USP34: variants seen among roughly 807,000 people sequenced by gnomAD.
The protein encoded by USP34 is ubiquitin carboxyl-terminal hydrolase 34.
USP34 carries 70 observed loss-of-function variants against 460.3 expected under a neutral mutation model. The observed-to-expected ratio is 0.15, with a 90% confidence interval of 0.13 to 0.19. USP34 has a LOEUF of 0.19. Among genes scored for constraint, USP34 ranks in the 10% least tolerant of loss-of-function variants. USP34 has a pLI of 1.00. For missense variants in USP34, 3,985 were observed against 4,236.2 expected (o/e 0.94, Z 1.65); for synonymous variants, 1,647 against 1,405.3 (o/e 1.17, Z -3.85).
rs768837911 is a variant in USP34, at chr2:61,193,025, T to C, written c.9509-45A>G. The C allele has an allele frequency of 4.8e-6, 7 of 1,470,806 alleles. No homozygotes were observed. The Admixed American group carries it at 7.0e-5, about 15-fold the overall frequency. 91.1% of individuals were successfully genotyped at this position (1,470,806 alleles called of 1,614,324 possible). A position where few individuals can be genotyped will look rare whatever the true frequency, so the allele number is the denominator to read the frequency against. On this transcript the variant is annotated intron_variant, in intron 75 of 79. Coordinates refer to ENST00000398571, the MANE Select transcript of USP34 (RefSeq NM_014709.4). ...CAGAATAGGTTATAATTATAAATTA[T>C]ACTAGTGAGATACTCAACTCTGCAG...
chr2:61,227,008 T>G (rs1687747872), intron 62 of USP34, 59 bp downstream of exon 62: 3 of 1,527,856 alleles, frequency 2.0e-6, no homozygotes, highest in Admixed American at 4.8e-5. Context: ...TGGTAAACAA[T>G]TATGTAAAAA....
intron 53 of USP34, among the ~76,000 whole-genome samples, chr2:61,237,991 G>T (rs1490813078): frequency 6.6e-6 from 1 of 151,698 alleles, no homozygotes; most frequent in African/African-American, 2.4e-5. Context: ...CCACCTCCAG[G>T]TTCAAGCGAT....
chr2:61,203,931 TAAA>T (rs5831600), intron 74 of USP34, among the ~76,000 whole-genome samples: 2 of 144,096 alleles, frequency 1.4e-5, no homozygotes, highest in African/African-American at 5.1e-5. Context: ...ATGGCCAAAT[TAAA>T]AAAAAAAAAA....
At chr2:61,244,407 G>A (rs1688364622) in intron 51 of USP34, among the ~76,000 whole-genome samples, 1 of 152,050 alleles carries the variant, frequency 6.6e-6, no homozygotes, top group African/African-American at 2.4e-5. Context: ...TTGGGTTCAG[G>A]GGTTTGAGAC....
intron 20 of USP34, among the ~76,000 whole-genome samples, chr2:61,326,080 T>C (rs560996334): frequency 6.6e-6 from 1 of 152,266 alleles, no homozygotes; most frequent in East Asian, 1.9e-4. Flanking sequence ...AGAGACAGAC[T>C]GTGGTCGGCC....
intron 2 of USP34, among the ~76,000 whole-genome samples, chr2:61,412,657 G>C (rs1461666878): frequency 6.6e-6 from 1 of 152,016 alleles, no homozygotes; most frequent in African/African-American, 2.4e-5. Flanking sequence ...AGTAGGCTAA[G>C]GTGGGATGAC....
intron 75 of USP34, among the ~76,000 whole-genome samples, chr2:61,198,981 A>C (rs1686890651): frequency 6.6e-6 from 1 of 152,218 alleles, no homozygotes; most frequent in Admixed American, 6.5e-5. Flanking sequence ...AACGTTCTTC[A>C]TCATCTTACC....
intron 1 of USP34, among the ~76,000 whole-genome samples, chr2:61,422,291 G>A (rs935583942): frequency 6.6e-5 from 10 of 152,144 alleles, no homozygotes; most frequent in African/African-American, 2.4e-4. Flanking sequence ...AAAAACAGAG[G>A]GAAGAGTGGC....
At chr2:61,301,550 G>A in intron 27 of USP34, 96 bp from the exon 28 acceptor site, 3 of 1,050,646 alleles carry the variant, frequency 2.9e-6, no homozygotes, top group South Asian at 1.5e-5. Context: ...CACACTGTAT[G>A]TTAAGTTTAA....
intron 29 of USP34, among the ~76,000 whole-genome samples, chr2:61,299,595 T>G (rs1434234305): frequency 6.6e-6 from 1 of 151,670 alleles, no homozygotes; most frequent in Non-Finnish European, 1.5e-5. Flanking sequence ...TACAAAATAT[T>G]AAAAAATTAG....
intron 1 of USP34, among the ~76,000 whole-genome samples, chr2:61,446,206 CA>C (rs1474224414): frequency 6.6e-6 from 1 of 151,368 alleles, no homozygotes; most frequent in Non-Finnish European, 1.5e-5. Flanking sequence ...TATTTTCCAC[CA>C]AAAAACACCA....
intron 21 of USP34, among the ~76,000 whole-genome samples, chr2:61,323,237 C>T (rs953665297): frequency 4.6e-5 from 7 of 152,036 alleles, no homozygotes; most frequent in African/African-American, 7.2e-5. Flanking sequence ...TTAGGCTGGG[C>T]GCAGCGGCTC....
chr2:61,189,714 CAAGTT>C (rs1686567717), intron 78 of USP34: 1 of 152,438 alleles, frequency 6.6e-6, no homozygotes, highest in African/African-American at 2.4e-5. Context: ...ATCAGTTTCT[CAAGTT>C]AAAATTCTGA....
intron 19 of USP34, 39 bp from the exon 20 acceptor site, chr2:61,331,410 A>G: frequency 6.5e-7 from 1 of 1,543,950 alleles, no homozygotes; most frequent in Non-Finnish European, 8.8e-7. Context: ...TAAAGTGGGC[A>G]GGGTAAGAGA....
At chr2:61,366,301 T>C (rs1010908923) in intron 10 of USP34, among the ~76,000 whole-genome samples, 1 of 151,826 alleles carries the variant, frequency 6.6e-6, no homozygotes, top group African/African-American at 2.4e-5. Flanking sequence ...ATAGAGGAGG[T>C]AGGTGAGATG....
chr2:61,245,641 T>C (rs899619899), intron 50 of USP34, among the ~76,000 whole-genome samples: 4 of 151,812 alleles, frequency 2.6e-5, no homozygotes, highest in African/African-American at 9.7e-5. Flanking sequence ...AAAAAAAGAT[T>C]CAAAATATAC....
chr2:61,221,782 G>T, intron 65 of USP34, 176 bp from the exon 66 acceptor site: 1 of 491,870 alleles, frequency 2.0e-6, no homozygotes, highest in Non-Finnish European at 3.4e-6. Flanking sequence ...ATCAGCGAGG[G>T]GTACAAAGTC....
intron 57 of USP34, among the ~76,000 whole-genome samples, chr2:61,235,529 T>C (rs940885047): frequency 3.9e-5 from 6 of 151,964 alleles, no homozygotes; most frequent in Non-Finnish European, 8.8e-5. Flanking sequence ...TTTCACCACG[T>C]TGGCCAGGAT....
At chr2:61,303,831 G>A (rs1250810494) in intron 27 of USP34, among the ~76,000 whole-genome samples, 2 of 151,624 alleles carry the variant, frequency 1.3e-5, no homozygotes, top group Non-Finnish European at 2.9e-5. Flanking sequence ...TCCTGACCTC[G>A]TGATCTGCCC....
Sources: allele counts gnomAD v4.1 joint callset (sites outside exome capture counted in the v4.1 genomes callset), GRCh38; gene constraint gnomAD v4.1.1; transcripts MANE v1.5; gene names NCBI Gene and HGNC (gene_info 2026-07-23, HGNC 2026-07-21).